The following SHISA9 variants were observed in gnomAD, a reference collection of about 807,000 sequenced individuals.
The protein encoded by SHISA9 is protein shisa-9.
Under a neutral mutation model 38.0 loss-of-function variants are expected in SHISA9, and 13 were observed. The ratio of observed to expected loss-of-function variants is 0.34; its 90% CI spans 0.22 to 0.54. The LOEUF (loss-of-function observed/expected upper bound fraction) is 0.54. SHISA9 is among the 20% of genes least tolerant of loss of function. The pLI is 0.91. For missense variants in SHISA9, 538 were observed against 575.8 expected (o/e 0.93, Z 0.67); for synonymous variants, 275 against 242.0 (o/e 1.14, Z -1.27).
chr16:13,493,047 T>C, the SHISA9 span, among the ~76,000 whole-genome samples: 3 of 152,198 alleles, frequency 2.0e-5, no homozygotes, highest in Non-Finnish European at 4.4e-5. Flanking sequence ...AAGTGTTATG[T>C]AAAGCTATTG....
chr16:12,961,227 G>T (rs1166001221), intron 2 of SHISA9, among the ~76,000 whole-genome samples: 1 of 152,180 alleles, frequency 6.6e-6, no homozygotes, highest in Non-Finnish European at 1.5e-5. Context: ...AGTGGGGAGT[G>T]GCCTAGGGCT....
intron 2 of SHISA9, among the ~76,000 whole-genome samples, chr16:13,008,833 T>C (rs990814504): frequency 5.3e-5 from 8 of 152,208 alleles, no homozygotes; most frequent in Non-Finnish European, 8.8e-5. Flanking sequence ...GTCTTAAGTA[T>C]GTCTTTAGAG....
chr16:12,919,100 G>C (rs184087743), intron 2 of SHISA9, among the ~76,000 whole-genome samples: 2 of 152,262 alleles, frequency 1.3e-5, no homozygotes, highest in Admixed American at 1.3e-4. Context: ...AGTGCATTGA[G>C]AGAATAGGAT....
chr16:13,253,896 T>C, the SHISA9 span, among the ~76,000 whole-genome samples: 1 of 152,238 alleles, frequency 6.6e-6, no homozygotes, highest in African/African-American at 2.4e-5. Context: ...AAGACATTAC[T>C]GAAGGTTACT....
At chr16:13,071,700 C>T (rs541018564) in intron 2 of SHISA9, among the ~76,000 whole-genome samples, 6 of 151,970 alleles carry the variant, frequency 3.9e-5, no homozygotes, top group East Asian at 1.9e-4. Flanking sequence ...TGAAGTGGCA[C>T]GATCTCAGGT....
At chr16:13,059,525 G>A (rs1217711023) in intron 2 of SHISA9, among the ~76,000 whole-genome samples, 1 of 152,128 alleles carries the variant, frequency 6.6e-6, no homozygotes, top group South Asian at 2.1e-4. Flanking sequence ...GAAGGTTCAG[G>A]TGGGGAGGGA....
At chr16:13,004,635 A>G (rs1394077363) in intron 2 of SHISA9, among the ~76,000 whole-genome samples, 1 of 152,090 alleles carries the variant, frequency 6.6e-6, no homozygotes, top group Non-Finnish European at 1.5e-5. Context: ...TGAAAAAGAA[A>G]CAGGGTCTGC....
At chr16:13,027,966 GA>G (rs2072945570) in intron 2 of SHISA9, among the ~76,000 whole-genome samples, 1 of 144,514 alleles carries the variant, frequency 6.9e-6, no homozygotes, top group Non-Finnish European at 1.5e-5. Context: ...AATGTATACT[GA>G]AAGAAGCCAA....
the SHISA9 span, among the ~76,000 whole-genome samples, chr16:13,505,724 A>T: frequency 6.6e-6 from 1 of 152,204 alleles, no homozygotes; most frequent in African/African-American, 2.4e-5. Context: ...TTGGGAAATT[A>T]TGTTAACCTC....
intron 2 of SHISA9, among the ~76,000 whole-genome samples, chr16:13,147,383 A>G (rs1046872236): frequency 7.2e-5 from 11 of 152,124 alleles, no homozygotes; most frequent in African/African-American, 2.7e-4. Context: ...CAGGAACTAG[A>G]AACTTTAAGG....
At chr16:12,933,114 A>G (rs1567343690) in intron 2 of SHISA9, among the ~76,000 whole-genome samples, 2 of 152,218 alleles carry the variant, frequency 1.3e-5, no homozygotes, top group South Asian at 2.1e-4. Flanking sequence ...GTAGGTGATT[A>G]GCATATCTTT....
the SHISA9 span, among the ~76,000 whole-genome samples, chr16:13,398,803 C>G: frequency 3.4e-4 from 51 of 152,140 alleles, no homozygotes; most frequent in Non-Finnish European, 4.9e-4. Flanking sequence ...TAAGCCACCA[C>G]TCCCGGCCTT....
intron 2 of SHISA9, among the ~76,000 whole-genome samples, chr16:13,083,023 C>T (rs2073670388): frequency 6.6e-6 from 1 of 152,184 alleles, no homozygotes; most frequent in Non-Finnish European, 1.5e-5. Flanking sequence ...GCAGCCACTG[C>T]CATGTGTGTT....
chr16:13,530,792 A>G, the SHISA9 span, among the ~76,000 whole-genome samples: 1 of 152,282 alleles, frequency 6.6e-6, no homozygotes, highest in African/African-American at 2.4e-5. Flanking sequence ...CTGTAGCTCC[A>G]AGGGTGACCT....
intron 2 of SHISA9, among the ~76,000 whole-genome samples, chr16:13,148,508 C>T (rs1346001182): frequency 1.3e-5 from 2 of 152,122 alleles, no homozygotes; most frequent in Non-Finnish European, 2.9e-5. Context: ...GTCACATTGA[C>T]ACTCATATCG....
chr16:13,054,650 A>C (rs2073289573), intron 2 of SHISA9, among the ~76,000 whole-genome samples: 1 of 152,230 alleles, frequency 6.6e-6, no homozygotes, highest in South Asian at 2.1e-4. Context: ...GAGATGGTTG[A>C]TAAAAAGGCA....
At position 13,060,637 on chromosome 16, in the gene SHISA9, C is replaced by CAA. The variant is rs5815739; in HGVS notation, c.692-142734_692-142733dup. Among the ~76,000 whole-genome samples, 360 of 86,350 alleles carry CAA rather than the reference C, an allele frequency of 4.2e-3. 2 individuals are homozygous for CAA. The highest frequency in any genetic ancestry group is 9.5e-3 in the African/African-American group (202 of 21,224). 56.6% of individuals were successfully genotyped at this position (86,350 alleles called of 152,430 possible). Reference sequence around the variant, plus strand: ...TGGGCAACACAGTGAGACCCCATCTCAAAAAAAAAAAAAAAAAAAAAAAAC... The same window carrying CAA: ...TGGGCAACACAGTGAGACCCCATCTCAAAAAAAAAAAAAAAAAAAAAAAAAAC... On this transcript the variant is annotated intron_variant, in intron 2 of 4. Transcript: ENST00000558583.
the SHISA9 span, among the ~76,000 whole-genome samples, chr16:13,541,649 C>A: frequency 2.0e-5 from 3 of 152,334 alleles, no homozygotes; most frequent in Middle Eastern, 0.01. Context: ...TGCGTTGTTT[C>A]TATGAACACA....
At chr16:13,356,724 G>C in the SHISA9 span, among the ~76,000 whole-genome samples, 2 of 152,124 alleles carry the variant, frequency 1.3e-5, no homozygotes, top group African/African-American at 4.8e-5. Context: ...GGGAGGGTAA[G>C]AAGGAAGATT....
Sources: allele counts gnomAD v4.1 joint callset (sites outside exome capture counted in the v4.1 genomes callset), GRCh38; gene constraint gnomAD v4.1.1; transcripts MANE v1.5; gene names NCBI Gene and HGNC (gene_info 2026-07-23, HGNC 2026-07-21).